AP2S1: variants seen among roughly 807,000 people sequenced by gnomAD.
The protein encoded by AP2S1 is adaptor related protein complex 2 subunit sigma 1, also known as AP-2 complex subunit sigma.
Under a neutral mutation model 21.0 loss-of-function variants are expected in AP2S1, and 6 were observed. The observed-to-expected ratio is 0.29, with a 90% CI of 0.16 to 0.56. The LOEUF is 0.56. AP2S1 is among the 20% of genes least tolerant of loss of function. AP2S1 has a pLI of 0.92. For missense variants in AP2S1, 60 were observed against 186.2 expected (o/e 0.32, Z 3.95); for synonymous variants, 63 against 74.6 (o/e 0.84, Z 0.80).
Position 46,845,654 on chromosome 19 carries a change from C to A in AP2S1, c.153+339G>T, listed in dbSNP as rs111941854. ...AACGCACCAGCAAAAAAAATTTGAC[C>A]AAAAAAAAAAATTCTTTTTTAATCG... On this transcript the variant is annotated intron_variant, in intron 2 of 4. Transcript: ENST00000263270. 8.8e-3 allele frequency: 1,420 copies of A among 161,022 alleles called. 7 individuals carry two copies. Among genetic ancestry groups the A allele is most frequent in the South Asian group, 0.019 (110 of 5,710 alleles). 10.0% of individuals were successfully genotyped at this position (161,022 alleles called of 1,614,324 possible).
chr19:46,845,679 G>T, intron 2 of AP2S1: 1 of 198,588 alleles, frequency 5.0e-6, no homozygotes. Flanking sequence ...TTTTTTAATC[G>T]TAGGCAAAAA....
rs762532614 is a variant in AP2S1 at position 46,838,513 on chromosome 19, G to A, written c.363C>T (p.Gly121=). 23 of 1,613,752 alleles carry A rather than the reference G, an allele frequency of 1.4e-5. No individual in the cohort carries two copies. Among genetic ancestry groups the A allele is most frequent in the Middle Eastern group, 1.6e-4 (1 of 6,072 alleles). Residue 121 remains glycine, a synonymous_variant, in exon 5 of 5, where the codon GGC becomes GGT. Transcript: ENST00000263270. The surrounding 1 kb of genome is among the most constrained non-coding windows in gnomAD (Gnocchi z 4.1). ...YTVVDEMFLA[G]EIRETSQTKV... ...TCGTCTGGCTGGTCTCTCGGATTTCGCCAGCCAGGAACATCTCGTCCACGA... is the reference window on the plus strand; with the variant it reads ...TCGTCTGGCTGGTCTCTCGGATTTCACCAGCCAGGAACATCTCGTCCACGA...
In AP2S1 at chr19:46,838,532, T is replaced by A; in HGVS notation, c.344A>T (p.Asp115Val). The change falls in exon 5 of 5, where the codon GAC (aspartate) becomes GTC (valine). Residue 115 changes from aspartate (D) to valine (V), a missense_variant. Physicochemically the swap from Asp to Val is radical, Grantham distance 152 (BLOSUM62 -3). Transcript: ENST00000263270. This position sits in a 1 kb window ranked among gnomAD's most constrained non-coding sequence, Gnocchi z 4.1. ...FNFYKVYTVV[D>V]EMFLAGEIRE... ...GATTTCGCCAGCCAGGAACATCTCG[T>A]CCACGACCGTGTAAACCTGTGTGAG... 6.2e-7 allele frequency: 1 copy of A among 1,614,174 alleles called. No homozygotes were observed. The highest frequency in any genetic ancestry group is 8.5e-7 in the Non-Finnish European group (1 of 1,180,024).
intron 2 of AP2S1, 140 bp downstream of exon 2, chr19:46,845,852 AG>A: frequency 9.2e-7 from 1 of 1,081,472 alleles, no homozygotes; most frequent in Non-Finnish European, 1.3e-6. Context: ...GGAAGAAGCA[AG>A]CAAGCTCAAA....
intron 2 of AP2S1, among the ~76,000 whole-genome samples, chr19:46,843,735 A>T (rs2055569197): frequency 6.6e-6 from 1 of 151,892 alleles, no homozygotes; most frequent in African/African-American, 2.4e-5. Flanking sequence ...AAGAAAAAAA[A>T]ATTTAAAAAT....
In AP2S1 at chr19:46,846,156, G is replaced by C. The variant is rs2055628781; in HGVS notation, c.4-14C>G. On this transcript the variant is annotated splice_polypyrimidine_tract_variant and intron_variant, in intron 1 of 4. Coordinates refer to ENST00000263270, the MANE Select transcript of AP2S1 (RefSeq NM_004069.6). The stretch of plus-strand genomic sequence containing the variant: ...GATAAAGCGGATCTGGGGGCAGCAG[G>C]AGGAGAAGGAGGAAGTGAGAGAGGC... The C allele has an allele frequency of 2.5e-6, 4 of 1,612,750 alleles. No individual in the cohort carries two copies. Among genetic ancestry groups the C allele is most frequent in the Non-Finnish European group, 3.4e-6 (4 of 1,179,802 alleles).
chr19:46,850,402 C>T, intron 1 of AP2S1: 1 of 1,197,122 alleles, frequency 8.4e-7, no homozygotes, highest in Non-Finnish European at 1.1e-6. Flanking sequence ...AGAGCGCCTT[C>T]CTCTTTCGGA....
chr19:46,846,993 A>G (rs1470137233), intron 1 of AP2S1, among the ~76,000 whole-genome samples: 6 of 152,056 alleles, frequency 3.9e-5, no homozygotes, highest in African/African-American at 1.4e-4. Flanking sequence ...GGTTAAAAAA[A>G]AAGTTTATAA....
chr19:46,846,812 C>T (rs999627249), intron 1 of AP2S1, among the ~76,000 whole-genome samples: 4 of 152,082 alleles, frequency 2.6e-5, no homozygotes, highest in Non-Finnish European at 5.9e-5. Flanking sequence ...ACTACAGGCA[C>T]CCGCCACCAC....
At chr19:46,849,586 A>C (rs2055700835) in intron 1 of AP2S1, among the ~76,000 whole-genome samples, 1 of 151,908 alleles carries the variant, frequency 6.6e-6, no homozygotes, top group Non-Finnish European at 1.5e-5. Context: ...CTTACTCCCA[A>C]ATTCCCTTGT....
At chr19:46,845,877 A>G in intron 2 of AP2S1, 116 bp downstream of exon 2, 1 of 1,349,006 alleles carries the variant, frequency 7.4e-7, no homozygotes, top group Non-Finnish European at 1.0e-6. Flanking sequence ...GGTTGAGTGA[A>G]TGATATAGGA....
At chr19:46,844,194 C>G (rs909556115) in intron 2 of AP2S1, among the ~76,000 whole-genome samples, 1 of 152,030 alleles carries the variant, frequency 6.6e-6, no homozygotes, top group Non-Finnish European at 1.5e-5. Flanking sequence ...TGAGCCACCG[C>G]GCCCGGCCGG....
chr19:46,845,733 A>T, intron 2 of AP2S1: 1 of 367,718 alleles, frequency 2.7e-6, no homozygotes, highest in South Asian at 7.8e-5. Flanking sequence ...AAATATTAAT[A>T]CTGATTAAAT....
chr19:46,845,336 G>A (rs915884440), intron 2 of AP2S1, among the ~76,000 whole-genome samples: 5 of 150,832 alleles, frequency 3.3e-5, no homozygotes, highest in Non-Finnish European at 5.9e-5. Context: ...AACCTGGGAG[G>A]TGGAGGTTGC....
intron 1 of AP2S1, among the ~76,000 whole-genome samples, chr19:46,846,910 C>T (rs1240806348): frequency 6.6e-6 from 1 of 152,170 alleles, no homozygotes; most frequent in Non-Finnish European, 1.5e-5. Flanking sequence ...AGGTGATCCG[C>T]CCGCCTCTGC....
Position 46,838,871 on chromosome 19 carries a change from G to C in AP2S1, c.268-72C>G. 1 of 1,438,084 alleles carries C rather than the reference G, an allele frequency of 7.0e-7. No homozygotes were observed. The highest frequency in any genetic ancestry group is 1.7e-5 in the Admixed American group (1 of 57,354). The allele number at this position is 1,438,084 out of a possible 1,614,324, so 89.1% of individuals were successfully genotyped here. A position where few individuals can be genotyped will look rare whatever the true frequency, so the allele number is the denominator to read the frequency against. ...CACACACGCACAGAGATGGGAACAAGGTCATCAGAAAGAGACAGCAAAAAA... is the reference window on the plus strand; with the variant it reads ...CACACACGCACAGAGATGGGAACAACGTCATCAGAAAGAGACAGCAAAAAA... On this transcript the variant is annotated intron_variant, in intron 3 of 4. Coordinates refer to ENST00000263270, the MANE Select transcript of AP2S1 (RefSeq NM_004069.6). This position sits in a 1 kb window ranked among gnomAD's most constrained non-coding sequence, Gnocchi z 4.1.
Position 46,838,707 on chromosome 19 carries a change from G to C in AP2S1, c.327+33C>G. On this transcript the variant is annotated intron_variant, in intron 4 of 4. Coordinates refer to ENST00000263270, the MANE Select transcript of AP2S1 (RefSeq NM_004069.6). The surrounding 1 kb of genome is among the most constrained non-coding windows in gnomAD (Gnocchi z 4.1). Reference sequence around the variant, plus strand: ...GGGTCCCCCCCGTCCCCCTCCTCTGGCTCCTTCAGCCTCCTCTTCACCAGG... The same window carrying C: ...GGGTCCCCCCCGTCCCCCTCCTCTGCCTCCTTCAGCCTCCTCTTCACCAGG... 1.9e-6 allele frequency: 3 copies of C among 1,609,856 alleles called. No homozygotes were observed. Among genetic ancestry groups the C allele is most frequent in the Non-Finnish European group, 2.6e-6 (3 of 1,176,456 alleles).
chr19:46,844,326 G>A (rs1399047922), intron 2 of AP2S1, among the ~76,000 whole-genome samples: 1 of 152,128 alleles, frequency 6.6e-6, no homozygotes, highest in Non-Finnish European at 1.5e-5. Context: ...CTTCCTGGCT[G>A]CATTCCTGCT....
At chr19:46,839,424 GCCCACC>G in intron 3 of AP2S1, 35 bp downstream of exon 3, 10 of 1,504,480 alleles carry the variant, frequency 6.6e-6, no homozygotes, top group Non-Finnish European at 8.3e-6. Flanking sequence ...CTCCAGGGCT[GCCCACC>G]CGCCTCCCCA....
Sources: gnomAD v4.1 joint callset for allele counts (sites outside exome capture counted in the v4.1 genomes callset) on GRCh38, gnomAD v4.1.1 for gene constraint, Gnocchi (gnomAD v3.1) non-coding constraint, MANE v1.5 for transcripts, NCBI Gene and HGNC (gene_info 2026-07-23, HGNC 2026-07-21) for gene names.